Variants in TMEM71 observed in about 807,000 individuals in gnomAD.
The protein encoded by TMEM71 is transmembrane protein 71.
Under a neutral mutation model 38.0 loss-of-function variants are expected in TMEM71, and 44 were observed. The observed-to-expected ratio is 1.16, with a 90% CI of 0.91 to 1.49. The LOEUF (loss-of-function observed/expected upper bound fraction) is 1.49. TMEM71 is among the 40% of genes most tolerant of loss of function. The probability of loss-of-function intolerance (pLI) is 0.00; values close to 1 mark genes in which losing one functional copy is unlikely to be tolerated. For missense variants in TMEM71, 367 were observed against 348.6 expected, an observed-to-expected ratio of 1.05 and a Z score of -0.42; for synonymous variants, 133 against 122.5, an observed-to-expected ratio of 1.09 and a Z score of -0.56.
chr8:132,725,741 G>T (rs7011718), intron 6 of TMEM71, among the ~76,000 whole-genome samples: 115 of 152,272 alleles, frequency 7.6e-4, no homozygotes, highest in African/African-American at 2.6e-3. Context: ...GAATCAAGGC[G>T]AAGTGAAGCG....
chr8:132,757,687 G>A (rs1263279497), intron 2 of TMEM71, among the ~76,000 whole-genome samples: 5 of 151,986 alleles, frequency 3.3e-5, no homozygotes, highest in Non-Finnish European at 5.9e-5. Flanking sequence ...TTAGCAGGGC[G>A]TGGTGGTGGG....
At chr8:132,771,005 G>T in the TMEM71 span, among the ~76,000 whole-genome samples, 1 of 152,176 alleles carries the variant, frequency 6.6e-6, no homozygotes, top group Non-Finnish European at 1.5e-5. Context: ...TAATGCAAGA[G>T]ACACTAGTTA....
upstream of TMEM71, among the ~76,000 whole-genome samples, chr8:132,763,050 G>A (rs1165353445): frequency 2.0e-5 from 3 of 152,072 alleles, no homozygotes; most frequent in Non-Finnish European, 4.4e-5. Flanking sequence ...CACTAGACAC[G>A]GGTCTACTTC....
intron 7 of TMEM71, among the ~76,000 whole-genome samples, chr8:132,716,231 T>C (rs1347744755): frequency 6.6e-6 from 1 of 152,214 alleles, no homozygotes; most frequent in Non-Finnish European, 1.5e-5. Flanking sequence ...TTGCCCGCTC[T>C]GATTTCGGAG....
chr8:132,714,048 C>G lies in TMEM71; in HGVS notation c.819G>C (p.Val273=). The part of the protein sequence containing the change: ...TCSLMITVAY[V]KSLFLSLASY... ...TGGCAAGGCTGAGAAACAATGATTT[C>G]ACATCTTGAGTGAAACAGAGAAAAT... Residue 273 remains valine, a synonymous_variant, in exon 9 of 10, where the codon GTG becomes GTC. Transcript: ENST00000677595. The G allele has an allele frequency of 2.5e-6, 4 of 1,614,024 alleles. No homozygotes were observed. The highest frequency in any genetic ancestry group is 2.5e-6 in the Non-Finnish European group (3 of 1,179,950).
At chr8:132,715,936 C>A (rs563929420) in intron 7 of TMEM71, among the ~76,000 whole-genome samples, 1 of 152,172 alleles carries the variant, frequency 6.6e-6, no homozygotes, top group Non-Finnish European at 1.5e-5. Context: ...AAACTGAAGT[C>A]CCATAAGCGA....
chr8:132,739,029 A>G (rs1293468890), intron 5 of TMEM71, among the ~76,000 whole-genome samples: 1 of 152,190 alleles, frequency 6.6e-6, no homozygotes, highest in Non-Finnish European at 1.5e-5. Flanking sequence ...TATTTTTTGT[A>G]ACATTTTGTG....
At chr8:132,775,092 T>C in the TMEM71 span, among the ~76,000 whole-genome samples, 3 of 152,230 alleles carry the variant, frequency 2.0e-5, no homozygotes, top group Non-Finnish European at 2.9e-5. Flanking sequence ...GTAAAGGGGT[T>C]TTGGTGACGT....
chr8:132,742,999 T>G (rs997757683), intron 5 of TMEM71, among the ~76,000 whole-genome samples: 4 of 152,150 alleles, frequency 2.6e-5, no homozygotes, highest in Admixed American at 6.5e-5. Flanking sequence ...TCATCAGATC[T>G]TGTGAGACGT....
chr8:132,710,945 C>G lies in TMEM71; in HGVS notation c.*22G>C. On this transcript the variant is annotated 3_prime_UTR_variant, in exon 10 of 10. Transcript: ENST00000677595. ...AGATATTCAGATGGAGGACATTCAT[C>G]GAAGGCATTCCTAAATGGTTGTCAA... 6.2e-7 allele frequency: 1 copy of G among 1,607,240 alleles called. No homozygotes were observed.
intron 4 of TMEM71, among the ~76,000 whole-genome samples, chr8:132,748,548 A>G (rs1169580617): frequency 6.6e-6 from 1 of 152,226 alleles, no homozygotes; most frequent in Non-Finnish European, 1.5e-5. Flanking sequence ...GTTGAGAAAA[A>G]TGGTAGAGTT....
intron 7 of TMEM71, 131 bp from the exon 8 acceptor site, chr8:132,714,346 T>C (rs2131001198): frequency 4.2e-6 from 3 of 719,006 alleles, no homozygotes; most frequent in South Asian, 1.7e-5. Context: ...GACAGTGGTA[T>C]TGGAAAATGG....
At chr8:132,764,737 T>C (rs1056205274), upstream of TMEM71, among the ~76,000 whole-genome samples, 2 of 152,190 alleles carry the variant, frequency 1.3e-5, no homozygotes, top group South Asian at 4.1e-4. Flanking sequence ...ATGGATCCCA[T>C]AGCTGTCTGC....
the TMEM71 span, among the ~76,000 whole-genome samples, chr8:132,771,077 C>T: frequency 6.6e-6 from 1 of 152,194 alleles, no homozygotes; most frequent in African/African-American, 2.4e-5. Flanking sequence ...AGAGACCATC[C>T]TTTGTCCTAA....
chr8:132,766,161 G>A, the TMEM71 span, among the ~76,000 whole-genome samples: 1 of 152,180 alleles, frequency 6.6e-6, no homozygotes, highest in East Asian at 1.9e-4. Context: ...CCTGGAGGCA[G>A]TACCCCTTGT....
rs1231799546 is a variant in TMEM71, at chr8:132,746,452, CAT to C, written c.487+488_487+489del. ...ACATATATATATACATATACATATACATATATATATACATATATATATACATA... is the reference window on the plus strand; with the variant it reads ...ACATATATATATACATATACATATACATATATATACATATATATATACATA... On this transcript the variant is annotated intron_variant, in intron 5 of 9. Coordinates refer to ENST00000677595, the MANE Select transcript of TMEM71 (RefSeq NM_001382403.1). Among the ~76,000 whole-genome samples the C allele has an allele frequency of 5.4e-3, 97 of 17,908 alleles. 2 individuals are homozygous for C. The highest frequency in any genetic ancestry group is 0.033 in the Middle Eastern group (1 of 30). The allele number at this position is 17,908 out of a possible 152,430, so 11.7% of individuals were successfully genotyped here.
chr8:132,711,246 C>T (rs932346510), intron 9 of TMEM71, among the ~76,000 whole-genome samples: 1 of 152,164 alleles, frequency 6.6e-6, no homozygotes, highest in Non-Finnish European at 1.5e-5. Flanking sequence ...CAGCGTGGTA[C>T]TTAGTTAACT....
At chr8:132,724,845 A>G (rs961300716) in intron 6 of TMEM71, among the ~76,000 whole-genome samples, 5 of 152,118 alleles carry the variant, frequency 3.3e-5, no homozygotes, top group Admixed American at 2.0e-4. Flanking sequence ...TGCAGCACAC[A>G]TACTTATCAA....
At chr8:132,737,646 A>C (rs1024078747) in intron 5 of TMEM71, among the ~76,000 whole-genome samples, 44 of 152,186 alleles carry the variant, frequency 2.9e-4, no homozygotes, top group African/African-American at 1.0e-3. Context: ...GGGGATAAAT[A>C]ATAATAACTC....
Sources: allele counts gnomAD v4.1 joint callset (sites outside exome capture counted in the v4.1 genomes callset), GRCh38; gene constraint gnomAD v4.1.1; transcripts MANE v1.5; gene names NCBI Gene and HGNC (gene_info 2026-07-23, HGNC 2026-07-21).